Variants in USP37 observed in about 807,000 individuals in gnomAD.
The protein encoded by USP37 is ubiquitin specific peptidase 37.
A neutral mutation model predicts 124.0 loss-of-function variants in USP37; 27 were observed. The ratio of observed to expected loss-of-function variants is 0.22; its 90% CI spans 0.16 to 0.30. The LOEUF (loss-of-function observed/expected upper bound fraction) is 0.30, where lower values mean the gene tolerates loss of function less well. Ranked by LOEUF, USP37 falls within the 10% of genes least tolerant of loss-of-function variation. The pLI is 1.00. For missense variants in USP37, 889 were observed against 1,140.4 expected (o/e 0.78, Z 3.17); for synonymous variants, 365 against 388.0 (o/e 0.94, Z 0.70).
At chr2:218,563,869 T>A (rs1693444771) in intron 1 of USP37, among the ~76,000 whole-genome samples, 2 of 151,936 alleles carry the variant, frequency 1.3e-5, no homozygotes, top group Admixed American at 1.3e-4. Flanking sequence ...GCCTGGCCAA[T>A]GTGGTCTCGA....
At chr2:218,467,132 A>G (rs1690371673) in intron 20 of USP37, among the ~76,000 whole-genome samples, 1 of 152,108 alleles carries the variant, frequency 6.6e-6, no homozygotes, top group Non-Finnish European at 1.5e-5. Flanking sequence ...GGCAATATAC[A>G]GTGTGTGTTT....
At chr2:218,547,519 A>G (rs1249649763) in intron 6 of USP37, among the ~76,000 whole-genome samples, 1 of 151,098 alleles carries the variant, frequency 6.6e-6, no homozygotes, top group East Asian at 1.9e-4. Flanking sequence ...TAGCATTCTT[A>G]TAAACTTAAA....
intron 3 of USP37, among the ~76,000 whole-genome samples, 185 bp downstream of exon 3, chr2:218,560,635 T>G (rs1411490277): frequency 6.6e-6 from 1 of 152,178 alleles, no homozygotes; most frequent in East Asian, 1.9e-4. Flanking sequence ...CAGGCAAAAT[T>G]TGAACAATTG....
chr2:218,547,158 C>A (rs1574952255), intron 6 of USP37, 67 bp from the exon 7 acceptor site: 3 of 1,494,214 alleles, frequency 2.0e-6, no homozygotes, highest in South Asian at 1.3e-5. Context: ...AACAGTGATT[C>A]TCCAATGGAA....
chr2:218,549,039 A>C (rs1255108972), intron 6 of USP37, among the ~76,000 whole-genome samples: 1 of 152,190 alleles, frequency 6.6e-6, no homozygotes, highest in East Asian at 1.9e-4. Context: ...AGTGGGAGAA[A>C]ACATATCAGT....
At chr2:218,556,816 T>C (rs77861966) in intron 4 of USP37, among the ~76,000 whole-genome samples, 8,609 of 150,812 alleles carry the variant, frequency 0.057, 363 homozygotes, top group East Asian at 0.12. Context: ...CCTGGCCTAT[T>C]TGGTTACTCT....
chr2:218,538,909 T>C lies in USP37; in HGVS notation c.681-4203A>G, dbSNP rs1691810621. 1.3e-5 allele frequency among the ~76,000 whole-genome samples: 2 copies of C among 152,312 alleles called. 1 individual carries two copies. Among genetic ancestry groups the C allele is most frequent in the South Asian group, 4.2e-4 (2 of 4,810 alleles). ...AAACCACAGATAGTATAGAACTCAA[T>C]TGCCAGCAACTGGAACAAATTCTGT... On this transcript the variant is annotated intron_variant, in intron 8 of 25. Transcript: ENST00000258399.
intron 14 of USP37, among the ~76,000 whole-genome samples, chr2:218,493,238 T>G (rs1041473743): frequency 4.6e-5 from 7 of 152,170 alleles, no homozygotes; most frequent in Non-Finnish European, 5.9e-5. Flanking sequence ...AGAAACTACT[T>G]TGTGTTAGAG....
chr2:218,515,419 CA>C (rs1690223890), intron 10 of USP37, among the ~76,000 whole-genome samples: 1 of 152,130 alleles, frequency 6.6e-6, no homozygotes, highest in African/African-American at 2.4e-5. Context: ...TGATCTTTGA[CA>C]AACCTGACAA....
chr2:218,541,980 T>C (rs1034508487), intron 8 of USP37, among the ~76,000 whole-genome samples: 35 of 152,160 alleles, frequency 2.3e-4, no homozygotes, highest in Non-Finnish European at 4.0e-4. Flanking sequence ...TTTGCCCACC[T>C]GGACAGAGCC....
At chr2:218,517,636 C>A (rs1467702048) in intron 10 of USP37, among the ~76,000 whole-genome samples, 1 of 152,116 alleles carries the variant, frequency 6.6e-6, no homozygotes, top group African/African-American at 2.4e-5. Flanking sequence ...CTCCCGGTTG[C>A]TTTTGAGACT....
At chr2:218,481,272 T>A (rs1691257342) in intron 17 of USP37, among the ~76,000 whole-genome samples, 1 of 152,244 alleles carries the variant, frequency 6.6e-6, no homozygotes, top group Non-Finnish European at 1.5e-5. Flanking sequence ...TTCTTTACAC[T>A]GCTGATAATA....
chr2:218,476,885 A>G lies in USP37; in HGVS notation c.1998T>C (p.Leu666=), dbSNP rs1253626860. Residue 666 remains leucine, a synonymous_variant, in exon 19 of 26, where the codon CTT becomes CTC. Coordinates refer to ENST00000258399, the MANE Select transcript of USP37 (RefSeq NM_020935.3). ...GCTGTTCGTTGCCTAACATTTCACA[A>G]AGTCTCTGGCTGAGGGCCACAGAAC... ...LKRSVALSQR[L]CEMLGNEQQQ... 1 of 1,608,850 alleles carries G rather than the reference A, an allele frequency of 6.2e-7. No homozygotes were observed. The highest frequency in any genetic ancestry group is 8.5e-7 in the Non-Finnish European group (1 of 1,177,962).
intron 4 of USP37, 117 bp downstream of exon 4, chr2:218,558,381 A>C (rs570136432): frequency 1.1e-6 from 1 of 921,602 alleles, no homozygotes; most frequent in African/African-American, 1.7e-5. Context: ...CCTAGAAATA[A>C]GAAGCAAGAA....
chr2:218,516,048 C>T (rs1041490291), intron 10 of USP37, among the ~76,000 whole-genome samples: 6 of 152,032 alleles, frequency 3.9e-5, no homozygotes, highest in Admixed American at 1.3e-4. Context: ...CAGATGCTGG[C>T]GATGATGTGG....
intron 14 of USP37, among the ~76,000 whole-genome samples, chr2:218,490,885 T>C (rs1371363166): frequency 6.6e-6 from 1 of 152,192 alleles, no homozygotes; most frequent in African/African-American, 2.4e-5. Flanking sequence ...CCCTTCTGTT[T>C]GTTTTTGAGA....
At chr2:218,536,919 G>C (rs1353291616) in intron 8 of USP37, among the ~76,000 whole-genome samples, 2 of 152,124 alleles carry the variant, frequency 1.3e-5, no homozygotes, top group Non-Finnish European at 2.9e-5. Flanking sequence ...TGGTGAATTA[G>C]GATGAAATAA....
chr2:218,476,738 T>C (rs1002424481), intron 19 of USP37, 102 bp downstream of exon 19: 1 of 1,287,960 alleles, frequency 7.8e-7, no homozygotes, highest in Admixed American at 3.3e-5. Context: ...GAAGGCATTT[T>C]CTTTAAAACT....
Position 218,479,658 on chromosome 2 carries a change from T to C in USP37, c.1893A>G (p.Thr631=), listed in dbSNP as rs1691142986. The change falls in exon 18 of 26, where the codon ACA becomes ACG. Residue 631 remains threonine (T), a synonymous_variant. Coordinates refer to ENST00000258399, the MANE Select transcript of USP37 (RefSeq NM_020935.3). ...TAAGAAATATAACTCACTTTGAAGG[T>C]GTAGAAGGGCTGGTGATGCAGGAAT... is the stretch of plus-strand genomic sequence containing the variant. ...MVNSCITSPS[T]PSKKFTFKSK... is the part of the protein sequence containing the mutation. 2.6e-5 allele frequency: 42 copies of C among 1,612,682 alleles called. No individual in the cohort carries two copies. The highest frequency in any genetic ancestry group is 3.2e-5 in the Non-Finnish European group (38 of 1,179,226).
Sources: allele counts gnomAD v4.1 joint callset (sites outside exome capture counted in the v4.1 genomes callset), GRCh38; gene constraint gnomAD v4.1.1; transcripts MANE v1.5; gene names NCBI Gene and HGNC (gene_info 2026-07-23, HGNC 2026-07-21).